EDIL3: variants seen among roughly 807,000 people sequenced by gnomAD.
The protein encoded by EDIL3 is EGF-like repeat and discoidin I-like domain-containing protein 3.
A neutral mutation model predicts 67.4 loss-of-function variants in EDIL3; 37 were observed. The observed-to-expected ratio is 0.55, with a 90% CI of 0.42 to 0.72. The LOEUF (loss-of-function observed/expected upper bound fraction) is 0.72, where lower values mean the gene tolerates loss of function less well. Among genes scored for constraint, EDIL3 ranks in the 30% least tolerant of loss-of-function variants. The pLI is 0.00. For missense variants in EDIL3, 527 were observed against 586.3 expected, an observed-to-expected ratio of 0.90 and a Z score of 1.04; for synonymous variants, 195 against 196.3, an observed-to-expected ratio of 0.99 and a Z score of 0.05.
intron 6 of EDIL3, 69 bp from the exon 7 acceptor site, chr5:84,066,675 T>A: frequency 6.5e-7 from 1 of 1,545,988 alleles, no homozygotes; most frequent in Non-Finnish European, 8.7e-7. Context: ...AATACGAATT[T>A]TAGAAATGAA....
chr5:84,160,832 C>CT (rs1381537471), intron 4 of EDIL3, among the ~76,000 whole-genome samples: 4 of 111,364 alleles, frequency 3.6e-5, no homozygotes, highest in Non-Finnish European at 5.4e-5. Context: ...TTTCCTTTTC[C>CT]TTTCCTTTTC....
At position 84,262,723 on chromosome 5, in the gene EDIL3, G is replaced by A. The variant is rs569312529; in HGVS notation, c.68-8511C>T. 8.7e-5 allele frequency among the ~76,000 whole-genome samples: 10 copies of A among 114,702 alleles called. No individual in the cohort carries two copies. In the South Asian group the frequency reaches 3.0e-3, roughly 35 times the overall value. 75.2% of individuals were successfully genotyped at this position (114,702 alleles called of 152,430 possible). Reference sequence around the variant, plus strand: ...GTCTCACTCTGTCACCCAAGCTAGAGTGCAGTAGTATGATCTTGGCTCACT... The same window carrying A: ...GTCTCACTCTGTCACCCAAGCTAGAATGCAGTAGTATGATCTTGGCTCACT... On this transcript the variant is annotated intron_variant, in intron 1 of 10. Coordinates refer to ENST00000296591, the MANE Select transcript of EDIL3 (RefSeq NM_005711.5).
chr5:84,281,065 T>C (rs1030490415), intron 1 of EDIL3, among the ~76,000 whole-genome samples: 3 of 152,098 alleles, frequency 2.0e-5, no homozygotes, highest in African/African-American at 7.2e-5. Flanking sequence ...TTGGCACATA[T>C]TAAATGTTCA....
At chr5:84,055,706 A>G (rs1379976075) in intron 9 of EDIL3, among the ~76,000 whole-genome samples, 1 of 152,222 alleles carries the variant, frequency 6.6e-6, no homozygotes. Context: ...ACACATGAAA[A>G]AATGGCTCAC....
rs553934334 is a variant in EDIL3, at chr5:84,052,601, G to T, written c.1137+7699C>A. Among the ~76,000 whole-genome samples the T allele has an allele frequency of 4.8e-3, 727 of 152,184 alleles. 8 individuals are homozygous for T. The highest frequency in any genetic ancestry group is 0.017 in the African/African-American group (699 of 41,514). ...GAGACACACATAGGCTCAAAATAAA[G>T]GGATGGAGGAAGATGTACCAAGCAA... On this transcript the variant is annotated intron_variant, in intron 9 of 10. Coordinates refer to ENST00000296591, the MANE Select transcript of EDIL3 (RefSeq NM_005711.5).
At chr5:83,965,578 A>G (rs1384191882) in intron 9 of EDIL3, among the ~76,000 whole-genome samples, 1 of 152,054 alleles carries the variant, frequency 6.6e-6, no homozygotes, top group Admixed American at 6.6e-5. Context: ...CTCAGGTCCT[A>G]AACTTCTATA....
chr5:84,120,481 C>T (rs1386471251), intron 5 of EDIL3, among the ~76,000 whole-genome samples: 1 of 151,926 alleles, frequency 6.6e-6, no homozygotes, highest in African/African-American at 2.4e-5. Flanking sequence ...AATATAACAC[C>T]TGGAGTTTAG....
chr5:84,101,337 C>T (rs1012794194), intron 6 of EDIL3, among the ~76,000 whole-genome samples: 6 of 151,826 alleles, frequency 4.0e-5, no homozygotes, highest in East Asian at 1.9e-4. Context: ...GATAATTACA[C>T]CTACTATATG....
chr5:83,961,181 A>T (rs902168635), intron 10 of EDIL3, among the ~76,000 whole-genome samples: 5 of 151,222 alleles, frequency 3.3e-5, no homozygotes, highest in Admixed American at 3.3e-4. Flanking sequence ...AAGGACATTA[A>T]AAATCTGTTT....
intron 3 of EDIL3, among the ~76,000 whole-genome samples, chr5:84,205,701 GA>G (rs1423018147): frequency 6.6e-6 from 1 of 152,112 alleles, no homozygotes; most frequent in Admixed American, 6.5e-5. Context: ...TATTTGCGTA[GA>G]GGTGTTTGTA....
intron 10 of EDIL3, among the ~76,000 whole-genome samples, chr5:83,962,942 A>T (rs1376491846): frequency 6.6e-6 from 1 of 151,676 alleles, no homozygotes; most frequent in Non-Finnish European, 1.5e-5. Flanking sequence ...CTATTAGGTG[A>T]ATCTTAGATA....
chr5:84,265,850 C>T (rs1274594666), intron 1 of EDIL3, among the ~76,000 whole-genome samples: 6 of 152,160 alleles, frequency 3.9e-5, no homozygotes, highest in Non-Finnish European at 1.5e-5. Context: ...GGAAAGACAA[C>T]TGAGCAATTA....
At chr5:84,065,012 C>A (rs1011992678) in intron 7 of EDIL3, among the ~76,000 whole-genome samples, 168 bp from the exon 8 acceptor site, 1 of 152,118 alleles carries the variant, frequency 6.6e-6, no homozygotes, top group Non-Finnish European at 1.5e-5. Flanking sequence ...GAATATAAAA[C>A]CCAACCATAA....
intron 1 of EDIL3, 82 bp from the exon 2 acceptor site, chr5:84,254,294 G>A (rs1745087775): frequency 6.9e-7 from 1 of 1,440,050 alleles, no homozygotes; most frequent in East Asian, 2.4e-5. Flanking sequence ...TGCTATGGAT[G>A]TTCCCTTGGC....
chr5:84,351,935 G>A (rs1269535669), intron 1 of EDIL3, among the ~76,000 whole-genome samples: 2 of 151,540 alleles, frequency 1.3e-5, no homozygotes, highest in Non-Finnish European at 2.9e-5. Context: ...TGCAAACAGA[G>A]CTCAACAAGA....
chr5:84,298,824 G>A (rs1746099872), intron 1 of EDIL3, among the ~76,000 whole-genome samples: 1 of 152,014 alleles, frequency 6.6e-6, no homozygotes, highest in Non-Finnish European at 1.5e-5. Context: ...GTTCCCTTGG[G>A]TGCCACCATC....
intron 1 of EDIL3, among the ~76,000 whole-genome samples, chr5:84,381,649 T>C (rs1748076716): frequency 6.6e-6 from 1 of 152,194 alleles, no homozygotes. Flanking sequence ...ATTTAGGACA[T>C]GTCTAGACAT....
chr5:84,125,035 C>T (rs1256421696), intron 5 of EDIL3, among the ~76,000 whole-genome samples: 1 of 151,592 alleles, frequency 6.6e-6, no homozygotes, highest in African/African-American at 2.4e-5. Flanking sequence ...TTCATGAAGA[C>T]AAGGATGCAG....
intron 6 of EDIL3, among the ~76,000 whole-genome samples, chr5:84,080,115 C>CAAAAAAAAAAAAA (rs10566347): frequency 3.2e-4 from 17 of 52,964 alleles, no homozygotes; most frequent in Non-Finnish European, 4.4e-4. Context: ...ACTAAAAATA[C>CAAAAAAAAAAAAA]AAAAAAAAAA....
Sources: gnomAD v4.1 joint callset for allele counts (sites outside exome capture counted in the v4.1 genomes callset) on GRCh38, gnomAD v4.1.1 for gene constraint, MANE v1.5 for transcripts, NCBI Gene and HGNC (gene_info 2026-07-23, HGNC 2026-07-21) for gene names.